The following CTNND2 variants were observed in gnomAD, a reference collection of about 807,000 sequenced individuals.
CTNND2 encodes the protein catenin delta-2.
In CTNND2, 22 loss-of-function variants were observed where a neutral mutation model predicts 144.4. The observed-to-expected ratio is 0.15, with a 90% CI of 0.11 to 0.22. The LOEUF is 0.22. Among genes scored for constraint, CTNND2 ranks in the 10% least tolerant of loss-of-function variants. CTNND2 has a pLI of 1.00. For missense variants in CTNND2, 1,353 were observed against 1,618.8 expected (o/e 0.84, Z 2.82); for synonymous variants, 751 against 695.6 (o/e 1.08, Z -1.25).
chr5:11,378,102 G>A (rs985246239), intron 7 of CTNND2, among the ~76,000 whole-genome samples: 1 of 152,156 alleles, frequency 6.6e-6, no homozygotes, highest in Non-Finnish European at 1.5e-5. Context: ...CTATAACATG[G>A]GGTCCTGGAA....
At chr5:11,664,761 A>G (rs1203053572) in intron 2 of CTNND2, among the ~76,000 whole-genome samples, 1 of 152,144 alleles carries the variant, frequency 6.6e-6, no homozygotes, top group Non-Finnish European at 1.5e-5. Context: ...TCCTCCATGG[A>G]TACTTATCAG....
At chr5:11,011,787 C>T (rs1004353957) in intron 18 of CTNND2, among the ~76,000 whole-genome samples, 2 of 152,152 alleles carry the variant, frequency 1.3e-5, no homozygotes, top group African/African-American at 4.8e-5. Context: ...CCATTCTGAT[C>T]ACCAGCTTTC....
intron 2 of CTNND2, among the ~76,000 whole-genome samples, chr5:11,655,234 T>C (rs1782850803): frequency 6.6e-6 from 1 of 152,076 alleles, no homozygotes; most frequent in African/African-American, 2.4e-5. Context: ...ATGCCTCTAG[T>C]TTTTCACATG....
At chr5:10,974,392 T>C (rs1736191330) in intron 21 of CTNND2, among the ~76,000 whole-genome samples, 1 of 152,218 alleles carries the variant, frequency 6.6e-6, no homozygotes, top group Admixed American at 6.5e-5. Flanking sequence ...TGATTGTATA[T>C]ATATAAGAAT....
chr5:11,785,602 G>C (rs1790785030), intron 1 of CTNND2, among the ~76,000 whole-genome samples: 1 of 152,090 alleles, frequency 6.6e-6, no homozygotes, highest in Admixed American at 6.6e-5. Flanking sequence ...GGGAAAAAAG[G>C]AAAGTGTAAG....
intron 3 of CTNND2, among the ~76,000 whole-genome samples, chr5:11,480,592 G>T (rs1408454268): frequency 6.6e-6 from 1 of 151,204 alleles, no homozygotes; most frequent in Admixed American, 6.6e-5. Context: ...ACATGTTTCT[G>T]TTACCTAACT....
In CTNND2 at chr5:11,904,027, G is replaced by T; in HGVS notation, c.-174C>A. 1.6e-6 allele frequency: 1 copy of T among 618,906 alleles called. No individual in the cohort carries two copies. 38.3% of individuals were successfully genotyped at this position (618,906 alleles called of 1,614,324 possible). A position where few individuals can be genotyped will look rare whatever the true frequency, so the allele number is the denominator to read the frequency against. ...CGGCAGGGGCGAGCGCCGCGGGCGAGAGGCGGCTCCCGACGCGAGTGCGCA... is the reference window on the plus strand; with the variant it reads ...CGGCAGGGGCGAGCGCCGCGGGCGATAGGCGGCTCCCGACGCGAGTGCGCA... On this transcript the variant is annotated 5_prime_UTR_variant, in exon 1 of 22. Coordinates refer to ENST00000304623, the MANE Select transcript of CTNND2 (RefSeq NM_001332.4). The surrounding 1 kb of genome is among the most constrained non-coding windows in gnomAD (Gnocchi z 4.2).
At chr5:11,344,699 T>G (rs773924882) in intron 9 of CTNND2, among the ~76,000 whole-genome samples, 4 of 152,118 alleles carry the variant, frequency 2.6e-5, no homozygotes, top group Non-Finnish European at 4.4e-5. Context: ...TAACCCTTCT[T>G]ATTGGTGTTT....
intron 3 of CTNND2, among the ~76,000 whole-genome samples, chr5:11,442,854 GATTAT>G (rs1027623538): frequency 3.7e-3 from 535 of 142,834 alleles, no homozygotes; most frequent in African/African-American, 0.013. Context: ...ATAATATAAT[GATTAT>G]ATTATAATTA....
intron 3 of CTNND2, among the ~76,000 whole-genome samples, chr5:11,543,085 T>G (rs1417702338): frequency 6.6e-6 from 1 of 152,220 alleles, no homozygotes; most frequent in East Asian, 1.9e-4. Context: ...CTTTCATCTA[T>G]GTGACTGCTC....
chr5:11,789,632 G>T (rs1791027516), intron 1 of CTNND2, among the ~76,000 whole-genome samples: 1 of 151,948 alleles, frequency 6.6e-6, no homozygotes, highest in Non-Finnish European at 1.5e-5. Flanking sequence ...TAGCTTTTCA[G>T]TTACTCCCTT....
chr5:11,840,127 G>A (rs138166013), intron 1 of CTNND2, among the ~76,000 whole-genome samples: 1 of 152,136 alleles, frequency 6.6e-6, no homozygotes, highest in East Asian at 1.9e-4. Context: ...ACATCTGAGT[G>A]GTCTGCTGAG....
chr5:11,107,829 G>A (rs1279548427), intron 14 of CTNND2, among the ~76,000 whole-genome samples: 2 of 148,292 alleles, frequency 1.3e-5, no homozygotes, highest in Non-Finnish European at 3.0e-5. Flanking sequence ...TTGGGGCAAA[G>A]TCTCACCAGG....
At chr5:11,707,715 T>G (rs1235176808) in intron 2 of CTNND2, among the ~76,000 whole-genome samples, 1 of 152,184 alleles carries the variant, frequency 6.6e-6, no homozygotes, top group Non-Finnish European at 1.5e-5. Flanking sequence ...TCCTACTCTC[T>G]CTCTTATGAA....
intron 1 of CTNND2, among the ~76,000 whole-genome samples, chr5:11,840,871 T>C (rs764014727): frequency 6.6e-6 from 1 of 152,202 alleles, no homozygotes; most frequent in Non-Finnish European, 1.5e-5. Context: ...ACTCCACTTT[T>C]TAACGGGCAT....
intron 9 of CTNND2, among the ~76,000 whole-genome samples, chr5:11,250,491 C>CTATATATA (rs1285130441): frequency 1.4e-4 from 9 of 64,104 alleles, no homozygotes; most frequent in South Asian, 7.3e-4. Flanking sequence ...CTCTCTCTCT[C>CTATATATA]TATATATATA....
At chr5:11,088,779 G>T (rs1750448053) in intron 15 of CTNND2, among the ~76,000 whole-genome samples, 1 of 152,168 alleles carries the variant, frequency 6.6e-6, no homozygotes, top group African/African-American at 2.4e-5. Flanking sequence ...TACTAAGATA[G>T]TGTGTTTTAT....
intron 3 of CTNND2, among the ~76,000 whole-genome samples, chr5:11,551,277 A>T (rs1035546861): frequency 1.3e-5 from 2 of 151,906 alleles, no homozygotes; most frequent in African/African-American, 4.8e-5. Context: ...CCTCTGAGCA[A>T]TGCCTTTACC....
intron 8 of CTNND2, among the ~76,000 whole-genome samples, chr5:11,353,031 A>G (rs1000743647): frequency 6.6e-6 from 1 of 150,828 alleles, no homozygotes; most frequent in African/African-American, 2.4e-5. Flanking sequence ...AACTGGAGTC[A>G]CGATGAATGA....
Sources: allele counts gnomAD v4.1 joint callset (sites outside exome capture counted in the v4.1 genomes callset), GRCh38; gene constraint gnomAD v4.1.1; non-coding constraint Gnocchi (gnomAD v3.1); transcripts MANE v1.5; gene names NCBI Gene and HGNC (gene_info 2026-07-23, HGNC 2026-07-21).